CPNE1: variants seen among roughly 807,000 people sequenced by gnomAD.
CPNE1 encodes copine 1, also known as copine-1.
A neutral mutation model predicts 63.2 loss-of-function variants in CPNE1; 58 were observed. The ratio of observed to expected loss-of-function variants is 0.92; its 90% CI spans 0.74 to 1.14. CPNE1 has a LOEUF of 1.14. Among genes scored for constraint, CPNE1 ranks in the 50% most tolerant of loss-of-function variants. The pLI is 0.00. For synonymous variants in CPNE1, 237 were observed against 249.0 expected (o/e 0.95, Z 0.45); for missense variants, 672 against 661.7 (o/e 1.02, Z -0.17).
chr20:35,631,272 C>G lies in CPNE1; in HGVS notation c.797G>C (p.Cys266Ser). The G allele has an allele frequency of 6.2e-7, 1 of 1,614,186 alleles. No homozygotes were observed. The highest frequency in any genetic ancestry group is 8.5e-7 in the Non-Finnish European group (1 of 1,180,012). ...TTACATGGGCTTTTGTCTCACCCGA[C>G]AAATCTTGACACGGATAGTTCCAGA... ...KNSGTIRVKI[C>S]RVETEYSFLD... Residue 266 changes from cysteine to serine, a missense_variant, in exon 9 of 16, where the codon TGT becomes TCT. By Grantham distance (112) the Cys-to-Ser change is moderately radical. Transcript: ENST00000397443.
intron 1 of CPNE1, among the ~76,000 whole-genome samples, chr20:35,659,785 T>A (rs2034127220): frequency 6.6e-6 from 1 of 152,248 alleles, no homozygotes; most frequent in Non-Finnish European, 1.5e-5. Context: ...GGTGAGGTTA[T>A]TAACAAGTCA....
chr20:35,627,466 C>G, intron 13 of CPNE1, 53 bp from the exon 14 acceptor site: 1 of 1,578,994 alleles, frequency 6.3e-7, no homozygotes, highest in South Asian at 1.1e-5. Flanking sequence ...CAGGACTACA[C>G]CAGTCCTGAA....
chr20:35,645,983 C>G (rs909467742), intron 1 of CPNE1, among the ~76,000 whole-genome samples: 1 of 152,000 alleles, frequency 6.6e-6, no homozygotes, highest in African/African-American at 2.4e-5. Flanking sequence ...TGGCTCACAC[C>G]TGTAATCCCA....
intron 1 of CPNE1, among the ~76,000 whole-genome samples, chr20:35,642,447 T>A (rs1375642205): frequency 6.6e-6 from 1 of 152,202 alleles, no homozygotes; most frequent in Non-Finnish European, 1.5e-5. Flanking sequence ...CTGGATCAGC[T>A]CACAGATGCA....
At chr20:35,652,902 A>AC in intron 1 of CPNE1, 1 of 1,613,696 alleles carries the variant, frequency 6.2e-7, no homozygotes, top group Non-Finnish European at 8.5e-7. Flanking sequence ...CAGGAGGGCC[A>AC]CTTCCAAACC....
chr20:35,639,142 T>G (rs1300788569), intron 1 of CPNE1, among the ~76,000 whole-genome samples: 3 of 150,880 alleles, frequency 2.0e-5, no homozygotes, highest in Non-Finnish European at 2.9e-5. Flanking sequence ...TGCACTAAAG[T>G]TAAGGCATGT....
intron 1 of CPNE1, among the ~76,000 whole-genome samples, chr20:35,663,307 G>A (rs2034337653): frequency 2.6e-5 from 4 of 152,088 alleles, no homozygotes; most frequent in Admixed American, 1.3e-4. Flanking sequence ...GATTTTTCTC[G>A]ACTGCAAATG....
chr20:35,630,751 G>A lies in CPNE1; in HGVS notation c.1040C>T (p.Pro347Leu). ...AGAGAGGGAGCTCACCTGCCAGTCA[G>A]GGGGAACCTGGGCCCCAAATCCAAA... ...PAFGFGAQVPPDWQVSHEFAL... is the reference protein window; with the variant it reads ...PAFGFGAQVPLDWQVSHEFAL... Residue 347 changes from proline to leucine, a missense_variant, in exon 12 of 16, where the codon CCT (proline) becomes CTT (leucine). Transcript: ENST00000397443. The A allele has an allele frequency of 6.2e-7, 1 of 1,613,812 alleles. No individual in the cohort carries two copies. The highest frequency in any genetic ancestry group is 8.5e-7 in the Non-Finnish European group (1 of 1,179,846).
At chr20:35,643,862 C>G (rs1286704890) in intron 1 of CPNE1, among the ~76,000 whole-genome samples, 1 of 152,154 alleles carries the variant, frequency 6.6e-6, no homozygotes, top group Non-Finnish European at 1.5e-5. Flanking sequence ...ACTGAAAAGG[C>G]TCCTTCCCCA....
chr20:35,652,586 C>A, intron 1 of CPNE1: 2 of 1,614,178 alleles, frequency 1.2e-6, no homozygotes, highest in Non-Finnish European at 1.7e-6. Context: ...TCAATGACAG[C>A]AGCTGTGGCT....
At chr20:35,656,236 G>C (rs999858562) in intron 1 of CPNE1, among the ~76,000 whole-genome samples, 7 of 152,172 alleles carry the variant, frequency 4.6e-5, no homozygotes, top group Middle Eastern at 3.4e-3. Flanking sequence ...AATATTTTTT[G>C]TTTTTGTTTT....
chr20:35,662,531 T>A (rs930793100), intron 1 of CPNE1, among the ~76,000 whole-genome samples: 11 of 152,222 alleles, frequency 7.2e-5, no homozygotes, highest in Admixed American at 7.2e-4. Context: ...GATATAAAAG[T>A]GGACATCATC....
At chr20:35,654,256 G>C in intron 1 of CPNE1, 2 of 1,614,150 alleles carry the variant, frequency 1.2e-6, no homozygotes, top group Non-Finnish European at 1.7e-6. Flanking sequence ...AGCTTCAAAT[G>C]TATCTTGAGG....
At chr20:35,637,018 A>T (rs752494849) in intron 1 of CPNE1, among the ~76,000 whole-genome samples, 5 of 152,146 alleles carry the variant, frequency 3.3e-5, no homozygotes, top group South Asian at 2.1e-4. Flanking sequence ...TGTATTTTTT[A>T]AAAGGCCTTA....
rs754518733 is a variant in CPNE1 at position 35,654,585 on chromosome 20, G to C, written c.-1+10175C>G. 5 of 1,614,220 alleles carry C rather than the reference G, an allele frequency of 3.1e-6. No individual in the cohort carries two copies. The African/African-American group carries it at 6.7e-5, about 22-fold the overall frequency. ...GAGGTGCCACAGGTGGCGGATTCAA[G>C]GGCGGCATGCCCGACATGGGTGGCA... is the stretch of plus-strand genomic sequence containing the variant. On this transcript the variant is annotated intron_variant, in intron 1 of 15. Coordinates refer to ENST00000397443, the MANE Select transcript of CPNE1 (RefSeq NM_152925.3).
chr20:35,655,281 C>T (rs757319019), intron 1 of CPNE1: 32 of 1,612,356 alleles, frequency 2.0e-5, no homozygotes, highest in African/African-American at 5.3e-5. Context: ...CCATGGTCCC[C>T]GCCACAATTG....
chr20:35,648,800 CAA>C (rs2033305167), intron 1 of CPNE1: 1 of 152,250 alleles, frequency 6.6e-6, no homozygotes, highest in South Asian at 2.1e-4. Flanking sequence ...GGATAAGCAA[CAA>C]TTTTTACCTC....
At position 35,626,364 on chromosome 20, in the gene CPNE1, C is replaced by G; in HGVS notation, c.1491G>C (p.Leu497Phe). 6.2e-7 allele frequency: 1 copy of G among 1,614,096 alleles called. No homozygotes were observed. The highest frequency in any genetic ancestry group is 2.2e-5 in the East Asian group (1 of 44,872). ...GCACTTCTGCGAGCACGGTCTGTGC[C>G]AATGCCTCCCGAGGGGCCTGCCAAG... ...RRFQNAPREA[L>F]AQTVLAEVPT... The change falls in exon 16 of 16, where the codon TTG (leucine) becomes TTC (phenylalanine). Residue 497 changes from leucine to phenylalanine, a missense_variant. Physicochemically the swap from Leu to Phe is conservative, Grantham distance 22. Coordinates refer to ENST00000397443, the MANE Select transcript of CPNE1 (RefSeq NM_152925.3).
At chr20:35,631,656 A>T in intron 7 of CPNE1, 32 bp downstream of exon 7, 1 of 1,610,496 alleles carries the variant, frequency 6.2e-7, no homozygotes, top group Non-Finnish European at 8.5e-7. Flanking sequence ...TCTCTTCTCC[A>T]GCGCAGTCCA....
Sources: allele counts gnomAD v4.1 joint callset (sites outside exome capture counted in the v4.1 genomes callset), GRCh38; gene constraint gnomAD v4.1.1; transcripts MANE v1.5; gene names NCBI Gene and HGNC (gene_info 2026-07-23, HGNC 2026-07-21).